The following EFEMP1 variants were observed in gnomAD, a reference collection of about 807,000 sequenced individuals.
EFEMP1 encodes the protein EGF-like fibulin extracellular matrix protein 1.
A neutral mutation model predicts 65.7 loss-of-function variants in EFEMP1; 18 were observed. The ratio of observed to expected loss-of-function variants is 0.27; its 90% CI spans 0.19 to 0.41. The LOEUF (loss-of-function observed/expected upper bound fraction) is 0.41, where lower values mean the gene tolerates loss of function less well. Ranked by LOEUF, EFEMP1 falls within the 10% of genes least tolerant of loss-of-function variation. The pLI is 1.00. For missense variants in EFEMP1, 469 were observed against 624.8 expected, an observed-to-expected ratio of 0.75 and a Z score of 2.66; for synonymous variants, 237 against 219.7, an observed-to-expected ratio of 1.08 and a Z score of -0.70.
Position 55,881,718 on chromosome 2 carries a change from A to T in EFEMP1, c.534T>A (p.Thr178=). 1 of 1,613,940 alleles carries T rather than the reference A, an allele frequency of 6.2e-7. No individual in the cohort carries two copies. Among genetic ancestry groups the T allele is most frequent in the Non-Finnish European group, 8.5e-7 (1 of 1,179,884 alleles). The change falls in exon 6 of 12, where the codon ACT becomes ACA. Residue 178 remains threonine, a synonymous_variant. Coordinates refer to ENST00000355426, the MANE Select transcript of EFEMP1 (RefSeq NM_001039348.3). ...HNVCQDIDEC[T]AGTHNCRADQ... Reference sequence around the variant, plus strand: ...CTGCTCTACAGTTGTGCGTCCCTGCAGTGCACTCGTCTATGTCTGTCAGAG... The same window carrying T: ...CTGCTCTACAGTTGTGCGTCCCTGCTGTGCACTCGTCTATGTCTGTCAGAG...
chr2:55,883,059 C>G lies in EFEMP1; in HGVS notation c.518-1325G>C, dbSNP rs1669305766. Among the ~76,000 whole-genome samples the G allele has an allele frequency of 6.6e-6, 1 of 152,008 alleles. No individual in the cohort carries two copies. The highest frequency in any genetic ancestry group is 2.4e-5 in the African/African-American group (1 of 41,386). ...AAGTTGAGATTGTAAAAGGGTTGTCCTCAGAAATCAGCTTCACTTAGCTGG... is the reference window on the plus strand; with the variant it reads ...AAGTTGAGATTGTAAAAGGGTTGTCGTCAGAAATCAGCTTCACTTAGCTGG... On this transcript the variant is annotated intron_variant, in intron 5 of 11. Coordinates refer to ENST00000355426, the MANE Select transcript of EFEMP1 (RefSeq NM_001039348.3). This position sits in a 1 kb window ranked among gnomAD's most constrained non-coding sequence, Gnocchi z 4.5.
In EFEMP1 at chr2:55,922,818, C is replaced by G. The variant is rs1350853871; in HGVS notation, c.-8+81G>C. The G allele has an allele frequency of 9.3e-7, 1 of 1,070,908 alleles. No individual in the cohort carries two copies. Among genetic ancestry groups the G allele is most frequent in the South Asian group, 1.8e-5 (1 of 56,588 alleles). 66.3% of individuals were successfully genotyped at this position (1,070,908 alleles called of 1,614,324 possible). A position where few individuals can be genotyped will look rare whatever the true frequency, so the allele number is the denominator to read the frequency against. On this transcript the variant is annotated intron_variant, in intron 2 of 11. Transcript: ENST00000355426. This position sits in a 1 kb window ranked among gnomAD's most constrained non-coding sequence, Gnocchi z 5.5. ...AAGGGGACGGTGCATTTCCTGCCCCCCAGTCCCACACCCCGGGGGATGGAG... is the reference window on the plus strand; with the variant it reads ...AAGGGGACGGTGCATTTCCTGCCCCGCAGTCCCACACCCCGGGGGATGGAG...
chr2:55,909,520 G>T (rs1670403253), intron 5 of EFEMP1, among the ~76,000 whole-genome samples: 1 of 152,108 alleles, frequency 6.6e-6, no homozygotes, highest in Admixed American at 6.6e-5. Context: ...ATGATACAAT[G>T]CTTCTCACTT....
Sources: allele counts gnomAD v4.1 joint callset (sites outside exome capture counted in the v4.1 genomes callset), GRCh38; gene constraint gnomAD v4.1.1; non-coding constraint Gnocchi (gnomAD v3.1); transcripts MANE v1.5; gene names NCBI Gene and HGNC (gene_info 2026-07-23, HGNC 2026-07-21).